The following NRXN1 variants were observed in gnomAD, a reference collection of about 807,000 sequenced individuals.
NRXN1 encodes the protein neurexin 1, also known as neurexin-1.
In NRXN1, 39 loss-of-function variants were observed where a neutral mutation model predicts 150.9. That is an observed-to-expected ratio of 0.26 (90% CI 0.20 to 0.34). The LOEUF (loss-of-function observed/expected upper bound fraction) is 0.34, where lower values mean the gene tolerates loss of function less well. Ranked by LOEUF, NRXN1 falls within the 10% of genes least tolerant of loss-of-function variation. The pLI is 1.00. For missense variants in NRXN1, 1,815 were observed against 1,949.9 expected, an observed-to-expected ratio of 0.93 and a Z score of 1.30; for synonymous variants, 924 against 757.0, an observed-to-expected ratio of 1.22 and a Z score of -3.62.
At chr2:50,390,159 T>A (rs940895436) in intron 17 of NRXN1, among the ~76,000 whole-genome samples, 1 of 152,134 alleles carries the variant, frequency 6.6e-6, no homozygotes, top group Non-Finnish European at 1.5e-5. Flanking sequence ...TCCTGTATGT[T>A]TTTATAGAAA....
chr2:50,285,372 C>G (rs150216185), intron 17 of NRXN1, among the ~76,000 whole-genome samples: 1 of 152,152 alleles, frequency 6.6e-6, no homozygotes, highest in African/African-American at 2.4e-5. Context: ...AGGTAGAAAC[C>G]AAGCCTGGAC....
chr2:49,988,818 T>C (rs1164036904), intron 21 of NRXN1, among the ~76,000 whole-genome samples: 4 of 152,182 alleles, frequency 2.6e-5, no homozygotes, highest in African/African-American at 9.6e-5. Flanking sequence ...TTATGTACCA[T>C]TACATAGCAG....
At chr2:50,158,616 A>C (rs772570371) in intron 18 of NRXN1, among the ~76,000 whole-genome samples, 18 of 152,114 alleles carry the variant, frequency 1.2e-4, no homozygotes, top group African/African-American at 1.7e-4. Context: ...GAAGGAAAAA[A>C]AACATTATCT....
chr2:50,179,820 C>T (rs1407388812), intron 18 of NRXN1, among the ~76,000 whole-genome samples: 1 of 152,016 alleles, frequency 6.6e-6, no homozygotes, highest in Non-Finnish European at 1.5e-5. Context: ...CTTAGGAGTG[C>T]TTAACCTAGA....
chr2:50,099,940 C>T (rs1170242267), intron 18 of NRXN1, among the ~76,000 whole-genome samples: 2 of 152,070 alleles, frequency 1.3e-5, no homozygotes, highest in Non-Finnish European at 2.9e-5. Context: ...TGTCCCCTCC[C>T]ATCTCAATAT....
intron 19 of NRXN1, among the ~76,000 whole-genome samples, chr2:50,066,473 C>T (rs567297116): frequency 6.6e-6 from 1 of 151,952 alleles, no homozygotes; most frequent in Admixed American, 6.6e-5. Flanking sequence ...AACGATTGCA[C>T]CTAGATCACA....
chr2:50,424,769 G>T (rs911010027), intron 17 of NRXN1, among the ~76,000 whole-genome samples: 2 of 152,080 alleles, frequency 1.3e-5, no homozygotes, highest in African/African-American at 4.8e-5. Context: ...ATACCTATTT[G>T]TACTAAAAAC....
intron 8 of NRXN1, among the ~76,000 whole-genome samples, chr2:50,578,883 A>T (rs1558964899): frequency 1.3e-5 from 2 of 152,140 alleles, no homozygotes; most frequent in Non-Finnish European, 2.9e-5. Flanking sequence ...TGAGAATATT[A>T]CATGAACGAA....
chr2:49,939,261 C>A (rs529163854), intron 22 of NRXN1, among the ~76,000 whole-genome samples: 10 of 152,214 alleles, frequency 6.6e-5, no homozygotes, highest in African/African-American at 2.4e-4. Context: ...AAGCTGTAAA[C>A]GTTTTTTGAG....
chr2:50,253,872 T>G (rs1391289589), intron 17 of NRXN1, among the ~76,000 whole-genome samples: 1 of 102,546 alleles, frequency 9.8e-6, no homozygotes, highest in African/African-American at 4.0e-5. Context: ...CCTGAAGTTT[T>G]CTTTTTTTTT....
chr2:50,674,042 A>G (rs1218328311), intron 5 of NRXN1, among the ~76,000 whole-genome samples: 4 of 152,052 alleles, frequency 2.6e-5, no homozygotes, highest in Non-Finnish European at 4.4e-5. Context: ...GCACGTGTAT[A>G]CCTATGTAAC....
intron 9 of NRXN1, among the ~76,000 whole-genome samples, chr2:50,544,991 T>C (rs1238067026): frequency 1.3e-5 from 2 of 152,124 alleles, no homozygotes; most frequent in East Asian, 1.9e-4. Context: ...ATCTTGACTA[T>C]AGAAAAAAGG....
At chr2:50,876,398 A>G (rs1463074166) in intron 5 of NRXN1, among the ~76,000 whole-genome samples, 1 of 151,788 alleles carries the variant, frequency 6.6e-6, no homozygotes, top group African/African-American at 2.4e-5. Context: ...TAAAAACACA[A>G]TTATTTACAA....
At chr2:50,410,036 AC>A (rs2083032787) in intron 17 of NRXN1, among the ~76,000 whole-genome samples, 1 of 151,934 alleles carries the variant, frequency 6.6e-6, no homozygotes, top group African/African-American at 2.4e-5. Context: ...TGCCACATTG[AC>A]CTTTTTGTCC....
At chr2:50,425,888 G>A (rs886325298) in intron 17 of NRXN1, among the ~76,000 whole-genome samples, 4 of 152,008 alleles carry the variant, frequency 2.6e-5, no homozygotes, top group African/African-American at 9.7e-5. Flanking sequence ...TCACTTCACC[G>A]GTATTCTTCA....
chr2:50,538,146 C>G, intron 10 of NRXN1, 107 bp downstream of exon 10: 2 of 1,285,784 alleles, frequency 1.6e-6, no homozygotes, highest in Non-Finnish European at 2.1e-6. Context: ...ACAGAGTTTA[C>G]TTCAGTAGAG....
At chr2:50,254,104 T>C (rs545195925) in intron 17 of NRXN1, among the ~76,000 whole-genome samples, 1 of 152,038 alleles carries the variant, frequency 6.6e-6, no homozygotes, top group South Asian at 2.1e-4. Flanking sequence ...CTGTTTTTGG[T>C]CTATTTGGGA....
rs576064770 is a variant in NRXN1, at chr2:50,571,521, T to C, written c.1321-18496A>G. ...GTTGTTTCTTGATTCTCCTACCCAC[T>C]GAATCTATGGCTGAGCACATTTGAT... On this transcript the variant is annotated intron_variant, in intron 8 of 22. Transcript: ENST00000401669. Among the ~76,000 whole-genome samples, 9 of 152,302 alleles carry C rather than the reference T, an allele frequency of 5.9e-5. 1 individual carries two copies. The highest frequency in any genetic ancestry group is 2.2e-4 in the African/African-American group (9 of 41,580).
At chr2:50,764,170 C>T (rs1019412413) in intron 5 of NRXN1, among the ~76,000 whole-genome samples, 9 of 151,876 alleles carry the variant, frequency 5.9e-5, no homozygotes, top group Admixed American at 1.3e-4. Context: ...CCCTCTCTAT[C>T]ATATATACTT....
Sources: allele counts gnomAD v4.1 joint callset (sites outside exome capture counted in the v4.1 genomes callset), GRCh38; gene constraint gnomAD v4.1.1; transcripts MANE v1.5; gene names NCBI Gene and HGNC (gene_info 2026-07-23, HGNC 2026-07-21).